The following TRMT11 variants were observed in gnomAD, a reference collection of about 807,000 sequenced individuals.
The protein encoded by TRMT11 is tRNA methyltransferase 11.
A neutral mutation model predicts 62.8 loss-of-function variants in TRMT11; 53 were observed. The ratio of observed to expected loss-of-function variants is 0.84; its 90% CI spans 0.68 to 1.06. The LOEUF (loss-of-function observed/expected upper bound fraction) is 1.06. TRMT11 is among the 50% of genes least tolerant of loss of function. The pLI is 0.00. For synonymous variants in TRMT11, 188 were observed against 190.3 expected, an observed-to-expected ratio of 0.99 and a Z score of 0.10; for missense variants, 556 against 553.4, an observed-to-expected ratio of 1.00 and a Z score of -0.05.
the TRMT11 span, among the ~76,000 whole-genome samples, chr6:126,241,175 G>A: frequency 3.9e-5 from 6 of 152,268 alleles, no homozygotes; most frequent in South Asian, 2.1e-4. Context: ...GTGATGCCTC[G>A]CCCTGCTTTG....
intron 21 of TRMT11, among the ~76,000 whole-genome samples, chr6:126,152,589 T>C (rs1459638398): frequency 6.6e-6 from 1 of 152,136 alleles, no homozygotes; most frequent in Non-Finnish European, 1.5e-5. Context: ...GATTAAGAGA[T>C]TACAACTAAT....
At chr6:126,151,901 T>TTTTCTCTTTCTTTC (rs1778057082) in intron 21 of TRMT11, among the ~76,000 whole-genome samples, 1 of 61,620 alleles carries the variant, frequency 1.6e-5, no homozygotes, top group Non-Finnish European at 3.1e-5. Flanking sequence ...TTTTTCTTTC[T>TTTTCTCTTTCTTTC]TTTCTCTTTC....
At chr6:126,167,505 C>T (rs1778282505) in intron 21 of TRMT11, among the ~76,000 whole-genome samples, 1 of 152,200 alleles carries the variant, frequency 6.6e-6, no homozygotes, top group South Asian at 2.1e-4. Context: ...GCAGAAATCA[C>T]CTGCCTTCTT....
At chr6:126,131,287 G>C (rs1441393086) in intron 21 of TRMT11, among the ~76,000 whole-genome samples, 2 of 152,008 alleles carry the variant, frequency 1.3e-5, no homozygotes, top group Non-Finnish European at 2.9e-5. Flanking sequence ...TAACTCTTAG[G>C]TTTAAAACTT....
the TRMT11 span, among the ~76,000 whole-genome samples, chr6:126,238,608 G>T: frequency 6.6e-6 from 1 of 152,270 alleles, no homozygotes. Context: ...TTTTACATTT[G>T]CTGAGGAGTG....
chr6:126,029,395 TC>T (rs1350976304), intron 12 of TRMT11, among the ~76,000 whole-genome samples: 6 of 152,050 alleles, frequency 3.9e-5, no homozygotes, highest in Admixed American at 3.3e-4. Flanking sequence ...CATAAATACC[TC>T]CCCCTGCAAT....
chr6:126,235,633 A>C, the TRMT11 span, among the ~76,000 whole-genome samples: 3 of 152,210 alleles, frequency 2.0e-5, no homozygotes, highest in African/African-American at 7.2e-5. Context: ...ACTCCTTTAT[A>C]AGTGGGTGCT....
At chr6:126,151,762 C>T (rs567765971) in intron 21 of TRMT11, among the ~76,000 whole-genome samples, 2 of 143,932 alleles carry the variant, frequency 1.4e-5, no homozygotes, top group East Asian at 4.0e-4. Context: ...TCCTTCCTTC[C>T]TTCCCTTCCT....
At chr6:126,160,937 GAAAGTTTAGAAATAAAAGT>G (rs1476676544) in intron 21 of TRMT11, among the ~76,000 whole-genome samples, 1 of 152,082 alleles carries the variant, frequency 6.6e-6, no homozygotes. Context: ...TAAAAGTACA[GAAAGTTTAGAAATAAAAGT>G]ACAGAAAGTT....
the TRMT11 span, among the ~76,000 whole-genome samples, chr6:126,261,569 G>T: frequency 2.0e-5 from 3 of 151,936 alleles, no homozygotes; most frequent in Admixed American, 6.6e-5. Flanking sequence ...TTTCCAATTT[G>T]TGAATTAATT....
rs542859875 is a variant in TRMT11, at chr6:126,051,807, A to G, written c.*1370-1316A>G. On this transcript the variant is annotated intron_variant and NMD_transcript_variant, in intron 16 of 22. Coordinates refer to the TRMT11 transcript ENST00000648977. ...ATCCTGAACAAGAGGAGCCTATGGT[A>G]CAAGCATGAAGAACTGCATAGCAGG... 7.2e-5 allele frequency among the ~76,000 whole-genome samples: 11 copies of G among 152,294 alleles called. No individual in the cohort carries two copies. The East Asian group carries it at 1.7e-3, about 24-fold the overall frequency.
At chr6:126,023,034 T>G (rs546307423) in intron 12 of TRMT11, among the ~76,000 whole-genome samples, 11 of 152,342 alleles carry the variant, frequency 7.2e-5, no homozygotes, top group African/African-American at 2.6e-4. Context: ...AGTTATTTTG[T>G]TTTATAGTAA....
At chr6:126,107,852 G>A (rs184051736) in intron 17 of TRMT11, among the ~76,000 whole-genome samples, 212 of 152,248 alleles carry the variant, frequency 1.4e-3, no homozygotes, top group Non-Finnish European at 2.7e-3. Flanking sequence ...GAAGTCTGTC[G>A]CGTGATTCAT....
chr6:126,061,013 G>A (rs533761541), intron 17 of TRMT11, among the ~76,000 whole-genome samples: 53 of 152,322 alleles, frequency 3.5e-4, no homozygotes, highest in African/African-American at 1.2e-3. Flanking sequence ...AAGGCAAGTG[G>A]TTTCTAGGAA....
At chr6:126,078,657 G>C (rs1197660913) in intron 17 of TRMT11, among the ~76,000 whole-genome samples, 1 of 152,154 alleles carries the variant, frequency 6.6e-6, no homozygotes, top group Non-Finnish European at 1.5e-5. Context: ...CCGTGAGCAT[G>C]CACGTAGCCC....
the TRMT11 span, among the ~76,000 whole-genome samples, chr6:126,210,491 G>A: frequency 6.6e-6 from 1 of 152,154 alleles, no homozygotes; most frequent in African/African-American, 2.4e-5. Flanking sequence ...TCCCTGACTG[G>A]ACTCCTGACC....
chr6:126,267,772 T>G, the TRMT11 span, among the ~76,000 whole-genome samples: 1 of 152,212 alleles, frequency 6.6e-6, no homozygotes, highest in African/African-American at 2.4e-5. Context: ...GCTATAAATC[T>G]GAAGACTTAA....
the TRMT11 span, among the ~76,000 whole-genome samples, chr6:126,221,944 G>A: frequency 6.6e-6 from 1 of 152,106 alleles, no homozygotes; most frequent in Non-Finnish European, 1.5e-5. Flanking sequence ...ATATTTCTAG[G>A]TTTTACATTT....
the TRMT11 span, among the ~76,000 whole-genome samples, chr6:126,233,484 C>A: frequency 2.0e-5 from 3 of 152,112 alleles, no homozygotes; most frequent in African/African-American, 7.2e-5. Context: ...GAAGACTGTG[C>A]CTATTACTTC....
Sources: allele counts gnomAD v4.1 joint callset (sites outside exome capture counted in the v4.1 genomes callset), GRCh38; gene constraint gnomAD v4.1.1; transcripts MANE v1.5; gene names NCBI Gene and HGNC (gene_info 2026-07-23, HGNC 2026-07-21).